CEP63: variants seen among roughly 807,000 people sequenced by gnomAD.
CEP63 encodes centrosomal protein 63.
In CEP63, 84 loss-of-function variants were observed where a neutral mutation model predicts 89.1. The ratio of observed to expected loss-of-function variants is 0.94; its 90% CI spans 0.79 to 1.13. CEP63 has a LOEUF of 1.13. Among genes scored for constraint, CEP63 ranks in the 50% most tolerant of loss-of-function variants. The pLI is 0.00. For missense variants in CEP63, 838 were observed against 813.3 expected (o/e 1.03, Z -0.37); for synonymous variants, 267 against 272.5 (o/e 0.98, Z 0.20).
chr3:134,676,441 G>A, the CEP63 span, among the ~76,000 whole-genome samples: 2,462 of 152,276 alleles, frequency 0.016, 29 homozygotes, highest in Non-Finnish European at 0.026. Flanking sequence ...GAAAAATGGC[G>A]GAGTGACTGT....
chr3:134,637,501 T>C, the CEP63 span, among the ~76,000 whole-genome samples: 44 of 152,352 alleles, frequency 2.9e-4, 1 homozygote, highest in African/African-American at 1.0e-3. Context: ...AAGAACTCTA[T>C]TTGACCCAGT....
the CEP63 span, among the ~76,000 whole-genome samples, chr3:134,621,555 C>T: frequency 6.6e-6 from 1 of 152,162 alleles, no homozygotes. Flanking sequence ...ATGCCATATA[C>T]AAAAACAACT....
chr3:134,641,287 T>G, the CEP63 span: 1 of 152,206 alleles, frequency 6.6e-6, no homozygotes, highest in South Asian at 2.1e-4. Context: ...CCTGTGAATG[T>G]TACCTAATAT....
At chr3:134,619,187 T>C in the CEP63 span, 1 of 1,613,922 alleles carries the variant, frequency 6.2e-7, no homozygotes, top group Non-Finnish European at 8.5e-7. Context: ...GCCATCACAG[T>C]TGGTCTTCTG....
intron 6 of CEP63, among the ~76,000 whole-genome samples, chr3:134,542,124 G>T (rs1415291321): frequency 6.6e-6 from 1 of 152,164 alleles, no homozygotes; most frequent in African/African-American, 2.4e-5. Flanking sequence ...TAAACAGTAT[G>T]TGAAAAAAGT....
chr3:134,691,006 C>T, the CEP63 span, among the ~76,000 whole-genome samples: 5 of 152,292 alleles, frequency 3.3e-5, no homozygotes, highest in Non-Finnish European at 4.4e-5. Flanking sequence ...GCCTTGGCCT[C>T]CCAAAGTGCT....
At chr3:134,690,780 G>A in the CEP63 span, among the ~76,000 whole-genome samples, 767 of 117,686 alleles carry the variant, frequency 6.5e-3, 11 homozygotes, top group African/African-American at 0.031. Context: ...ATAGAGTCTC[G>A]CTCTGTCACC....
At chr3:134,528,079 G>A (rs780836892) in intron 3 of CEP63, among the ~76,000 whole-genome samples, 1 of 152,172 alleles carries the variant, frequency 6.6e-6, no homozygotes, top group Non-Finnish European at 1.5e-5. Context: ...AGGTTCCAGA[G>A]GCCCGTGGCA....
chr3:134,504,792 C>A (rs1340344538), intron 2 of CEP63, among the ~76,000 whole-genome samples: 2 of 151,906 alleles, frequency 1.3e-5, no homozygotes, highest in Non-Finnish European at 2.9e-5. Flanking sequence ...TTTCTTTTTT[C>A]TTTTTTATTC....
chr3:134,704,061 T>C, the CEP63 span, among the ~76,000 whole-genome samples: 1 of 152,238 alleles, frequency 6.6e-6, no homozygotes, highest in Non-Finnish European at 1.5e-5. Context: ...TGTAACTGAC[T>C]CTGGCAATAC....
At chr3:134,769,383 T>A in the CEP63 span, among the ~76,000 whole-genome samples, 2 of 152,182 alleles carry the variant, frequency 1.3e-5, no homozygotes, top group Admixed American at 1.3e-4. Context: ...GGGCCACTGG[T>A]GTAATTCTAG....
chr3:134,530,835 G>A (rs904710733), intron 3 of CEP63, among the ~76,000 whole-genome samples: 6 of 152,040 alleles, frequency 3.9e-5, no homozygotes, highest in Non-Finnish European at 5.9e-5. Context: ...CTTATAAGTA[G>A]CTTATTTCTA....
At chr3:134,677,360 C>G in the CEP63 span, among the ~76,000 whole-genome samples, 1 of 152,202 alleles carries the variant, frequency 6.6e-6, no homozygotes, top group East Asian at 1.9e-4. Context: ...TTTCCGTTTC[C>G]ATGTGTTTAC....
chr3:134,641,977 G>A, the CEP63 span, among the ~76,000 whole-genome samples: 1 of 152,178 alleles, frequency 6.6e-6, no homozygotes, highest in Non-Finnish European at 1.5e-5. Context: ...GTTCATTTTA[G>A]AGAAGCAACA....
At chr3:134,514,568 AT>A (rs1252161709) in intron 3 of CEP63, among the ~76,000 whole-genome samples, 1 of 152,180 alleles carries the variant, frequency 6.6e-6, no homozygotes, top group African/African-American at 2.4e-5. Flanking sequence ...GAAAAAAAAG[AT>A]TATCTACAAA....
chr3:134,542,135 A>G (rs1952168933), intron 6 of CEP63, among the ~76,000 whole-genome samples: 2 of 152,342 alleles, frequency 1.3e-5, no homozygotes, highest in African/African-American at 4.8e-5. Context: ...TGAAAAAAGT[A>G]GAGGTTGCTC....
At chr3:134,615,170 A>C in the CEP63 span, 2 of 152,282 alleles carry the variant, frequency 1.3e-5, no homozygotes, top group African/African-American at 4.8e-5. Context: ...TCTTGATAAT[A>C]ATTCTCTCTC....
At chr3:134,705,876 C>T in the CEP63 span, among the ~76,000 whole-genome samples, 1 of 152,184 alleles carries the variant, frequency 6.6e-6, no homozygotes, top group Non-Finnish European at 1.5e-5. Flanking sequence ...GTGTTGAAGT[C>T]TTCTGATTCA....
chr3:134,713,869 C>G, the CEP63 span, among the ~76,000 whole-genome samples: 1 of 152,246 alleles, frequency 6.6e-6, no homozygotes, highest in African/African-American at 2.4e-5. Context: ...TAACTTCCTT[C>G]TAAGTTCTTG....
Sources: allele counts gnomAD v4.1 joint callset (sites outside exome capture counted in the v4.1 genomes callset), GRCh38; gene constraint gnomAD v4.1.1; transcripts MANE v1.5; gene names NCBI Gene and HGNC (gene_info 2026-07-23, HGNC 2026-07-21).